The following MAP2 variants were observed in gnomAD, a reference collection of about 807,000 sequenced individuals.
MAP2 encodes microtubule-associated protein 2.
In MAP2, 14 loss-of-function variants were observed where a neutral mutation model predicts 137.6. The observed-to-expected ratio is 0.10, with a 90% CI of 0.07 to 0.16. MAP2 has a LOEUF of 0.16. Among genes scored for constraint, MAP2 ranks in the 10% least tolerant of loss-of-function variants. MAP2 has a pLI of 1.00. For synonymous variants in MAP2, 786 were observed against 782.3 expected (o/e 1.00, Z -0.08); for missense variants, 2,088 against 2,191.5 (o/e 0.95, Z 0.94).
At chr2:209,635,461 A>T (rs2153561665) in intron 4 of MAP2, among the ~76,000 whole-genome samples, 1 of 152,246 alleles carries the variant, frequency 6.6e-6, no homozygotes, top group East Asian at 1.9e-4. Context: ...TGTTTAAAAA[A>T]CTGTGATGTT....
chr2:209,642,091 T>C (rs1581784650), intron 4 of MAP2, among the ~76,000 whole-genome samples: 1 of 152,142 alleles, frequency 6.6e-6, no homozygotes, highest in African/African-American at 2.4e-5. Flanking sequence ...CTATTCTTGG[T>C]TTTTCAGTGT....
At chr2:209,462,816 G>T (rs189682347) in intron 1 of MAP2, among the ~76,000 whole-genome samples, 13 of 152,160 alleles carry the variant, frequency 8.5e-5, no homozygotes, top group Admixed American at 2.6e-4. Flanking sequence ...TAAATATATT[G>T]CAAAGACATC....
intron 1 of MAP2, among the ~76,000 whole-genome samples, chr2:209,479,380 T>A (rs1708175386): frequency 6.6e-6 from 1 of 152,118 alleles, no homozygotes; most frequent in Non-Finnish European, 1.5e-5. Context: ...TCACTGACAT[T>A]TACATTAGTC....
intron 4 of MAP2, among the ~76,000 whole-genome samples, chr2:209,650,749 G>A (rs1007492872): frequency 1.3e-5 from 2 of 152,068 alleles, no homozygotes; most frequent in Non-Finnish European, 2.9e-5. Flanking sequence ...GTATGCAAGG[G>A]GTAGATGGGT....
chr2:209,680,700 C>A (rs989865426), intron 6 of MAP2, 50 bp from the exon 7 acceptor site: 1 of 1,484,148 alleles, frequency 6.7e-7, no homozygotes. Context: ...CATCTACCAG[C>A]CTAAAAGGAT....
At chr2:209,535,108 G>T (rs928494755) in intron 2 of MAP2, among the ~76,000 whole-genome samples, 1 of 151,842 alleles carries the variant, frequency 6.6e-6, no homozygotes, top group Non-Finnish European at 1.5e-5. Context: ...ACCCCAGTCT[G>T]AAGCAACTAG....
chr2:209,515,955 AT>A (rs1294715463), intron 2 of MAP2, among the ~76,000 whole-genome samples: 1 of 151,256 alleles, frequency 6.6e-6, no homozygotes, highest in East Asian at 2.0e-4. Flanking sequence ...GCCAAGCTAA[AT>A]TTTTTTTCTT....
chr2:209,659,982 G>A (rs1171700212), intron 5 of MAP2, among the ~76,000 whole-genome samples: 1 of 152,168 alleles, frequency 6.6e-6, no homozygotes, highest in African/African-American at 2.4e-5. Context: ...AGCTTGCAGC[G>A]AGCCGAGATG....
In MAP2 at chr2:209,629,156, G is replaced by T. The variant is rs1323886934; in HGVS notation, c.-30+4027G>T. Among the ~76,000 whole-genome samples the T allele has an allele frequency of 2.6e-5, 4 of 152,334 alleles. No homozygotes were observed. In the East Asian group the frequency reaches 7.7e-4, roughly 29 times the overall value. On this transcript the variant is annotated intron_variant, in intron 4 of 15. Coordinates refer to ENST00000682079, the MANE Select transcript of MAP2 (RefSeq NM_001375505.1). ...ACTAATTAGCTGGATGAGAAAGCCAGTTGAAGAGCAGAAAATATTTATTAT... is the reference window on the plus strand; with the variant it reads ...ACTAATTAGCTGGATGAGAAAGCCATTTGAAGAGCAGAAAATATTTATTAT...
chr2:209,686,574 A>T (rs2057096123), intron 7 of MAP2, among the ~76,000 whole-genome samples: 1 of 152,226 alleles, frequency 6.6e-6, no homozygotes, highest in African/African-American at 2.4e-5. Context: ...AATAGTGATT[A>T]GCAAATTTAG....
chr2:209,617,451 C>T (rs1405493360), intron 3 of MAP2, among the ~76,000 whole-genome samples: 1 of 152,088 alleles, frequency 6.6e-6, no homozygotes, highest in African/African-American at 2.4e-5. Context: ...AGATACCCAG[C>T]GTGATCAAAT....
chr2:209,678,711 G>A lies in MAP2; in HGVS notation c.376+26G>A, dbSNP rs192962041. On this transcript the variant is annotated intron_variant, in intron 6 of 15. Coordinates refer to ENST00000682079, the MANE Select transcript of MAP2 (RefSeq NM_001375505.1). Reference sequence around the variant, plus strand: ...GTAAATAAGAAGATTCTCAGGTCAGGGACTGTGTCTGTTGCACCCTGATCA... The same window carrying A: ...GTAAATAAGAAGATTCTCAGGTCAGAGACTGTGTCTGTTGCACCCTGATCA... 8.0e-5 allele frequency: 114 copies of A among 1,424,264 alleles called. No homozygotes were observed. The African/African-American group carries it at 1.5e-3, about 19-fold the overall frequency. 88.2% of individuals were successfully genotyped at this position (1,424,264 alleles called of 1,614,324 possible). A position where few individuals can be genotyped will look rare whatever the true frequency, so the allele number is the denominator to read the frequency against.
intron 5 of MAP2, among the ~76,000 whole-genome samples, chr2:209,655,327 G>A (rs2095073578): frequency 6.6e-6 from 1 of 152,204 alleles, no homozygotes; most frequent in East Asian, 1.9e-4. Context: ...GGCTACCAGA[G>A]TGATAGTCAA....
intron 4 of MAP2, among the ~76,000 whole-genome samples, chr2:209,646,179 G>C (rs1189032053): frequency 6.6e-6 from 1 of 152,152 alleles, no homozygotes; most frequent in Admixed American, 6.6e-5. Context: ...CTGGGCAACA[G>C]AGTAAGACCC....
At chr2:209,535,872 C>T (rs1322256923) in intron 2 of MAP2, among the ~76,000 whole-genome samples, 1 of 151,928 alleles carries the variant, frequency 6.6e-6, no homozygotes, top group African/African-American at 2.4e-5. Flanking sequence ...ATAAGCTGAC[C>T]TCTTATATAA....
At chr2:209,512,068 T>C (rs1488513073) in intron 2 of MAP2, among the ~76,000 whole-genome samples, 4 of 152,076 alleles carry the variant, frequency 2.6e-5, no homozygotes, top group African/African-American at 9.7e-5. Context: ...CTGCTTGTGG[T>C]ATTCCTTGGT....
At chr2:209,463,844 C>T (rs897101657) in intron 1 of MAP2, among the ~76,000 whole-genome samples, 1 of 151,996 alleles carries the variant, frequency 6.6e-6, no homozygotes, top group Non-Finnish European at 1.5e-5. Context: ...TATTATTTGC[C>T]TGAGTCAAAG....
chr2:209,729,269 A>G (rs886550732), intron 14 of MAP2, among the ~76,000 whole-genome samples: 2 of 152,204 alleles, frequency 1.3e-5, no homozygotes, highest in African/African-American at 2.4e-5. Flanking sequence ...CACTCCATAT[A>G]TGAAACGGGA....
rs530331970 is a variant in MAP2 at position 209,577,378 on chromosome 2, C to T, written c.-171-2658C>T. Among the ~76,000 whole-genome samples, 6 of 152,100 alleles carry T rather than the reference C, an allele frequency of 3.9e-5. No individual in the cohort carries two copies. In the South Asian group the frequency reaches 1.2e-3, roughly 32 times the overall value. Reference sequence around the variant, plus strand: ...GAGAGGATGATGATGGTGGCAGCAACTGTCTTTTAGACATCAAAAAAAGCA... The same window carrying T: ...GAGAGGATGATGATGGTGGCAGCAATTGTCTTTTAGACATCAAAAAAAGCA... On this transcript the variant is annotated intron_variant, in intron 2 of 15. Transcript: ENST00000682079.
Sources: gnomAD v4.1 joint callset for allele counts (sites outside exome capture counted in the v4.1 genomes callset) on GRCh38, gnomAD v4.1.1 for gene constraint, MANE v1.5 for transcripts, NCBI Gene and HGNC (gene_info 2026-07-23, HGNC 2026-07-21) for gene names.